LRRC3B: variants seen among roughly 807,000 people sequenced by gnomAD.
LRRC3B encodes leucine-rich repeat-containing protein 3B.
LRRC3B carries 2 observed loss-of-function variants against 12.8 expected under a neutral mutation model. That is an observed-to-expected ratio of 0.16 (90% confidence interval 0.06 to 0.49). The LOEUF (loss-of-function observed/expected upper bound fraction) is 0.49, where lower values mean the gene tolerates loss of function less well. Ranked by LOEUF, LRRC3B falls within the 20% of genes least tolerant of loss-of-function variation. The probability of loss-of-function intolerance (pLI) is 0.96; values close to 1 mark genes in which losing one functional copy is unlikely to be tolerated. For missense variants in LRRC3B, 189 were observed against 319.4 expected (o/e 0.59, Z 3.11); for synonymous variants, 132 against 122.0 (o/e 1.08, Z -0.54).
intron 1 of LRRC3B, among the ~76,000 whole-genome samples, chr3:26,691,105 G>GTGTATATATATATATATA (rs372629683): frequency 0.026 from 2,193 of 84,458 alleles, 61 homozygotes; most frequent in Admixed American, 0.036. Flanking sequence ...GTGTGTGTGT[G>GTGTATATATATATATATA]TATATATATA....
intron 1 of LRRC3B, among the ~76,000 whole-genome samples, chr3:26,699,111 C>T (rs1387028263): frequency 6.6e-6 from 1 of 151,484 alleles, no homozygotes; most frequent in African/African-American, 2.4e-5. Flanking sequence ...AGTAAAATAC[C>T]TCAAGTTGTG....
At chr3:26,640,543 T>C (rs559665453) in intron 1 of LRRC3B, among the ~76,000 whole-genome samples, 1 of 152,254 alleles carries the variant, frequency 6.6e-6, no homozygotes, top group African/African-American at 2.4e-5. Context: ...TCATTCATCC[T>C]CTTTTCCAGT....
chr3:26,695,645 T>TA (rs1449545720), intron 1 of LRRC3B, among the ~76,000 whole-genome samples: 6 of 152,214 alleles, frequency 3.9e-5, no homozygotes, highest in Non-Finnish European at 1.5e-5. Flanking sequence ...AGAAAACACA[T>TA]AAAGGGCATT....
chr3:26,661,662 CT>C (rs1699494696), intron 1 of LRRC3B, among the ~76,000 whole-genome samples: 1 of 152,138 alleles, frequency 6.6e-6, no homozygotes, highest in Non-Finnish European at 1.5e-5. Flanking sequence ...CTTCCCCATT[CT>C]TTCCTGTTAT....
chr3:26,646,312 T>C (rs1032092645), intron 1 of LRRC3B, among the ~76,000 whole-genome samples: 1 of 152,180 alleles, frequency 6.6e-6, no homozygotes, highest in African/African-American at 2.4e-5. Flanking sequence ...TATGACAGGT[T>C]TCTAAAGCAA....
intron 1 of LRRC3B, among the ~76,000 whole-genome samples, chr3:26,679,350 C>T (rs1174214193): frequency 6.6e-6 from 1 of 152,212 alleles, no homozygotes; most frequent in Non-Finnish European, 1.5e-5. Flanking sequence ...TATTTGAGAT[C>T]TCCATGGTCT....
intron 1 of LRRC3B, among the ~76,000 whole-genome samples, chr3:26,663,300 A>G (rs1019562510): frequency 1.3e-5 from 2 of 152,146 alleles, no homozygotes; most frequent in African/African-American, 4.8e-5. Flanking sequence ...GAAAGCTCAC[A>G]TTAATCATGT....
intron 1 of LRRC3B, among the ~76,000 whole-genome samples, chr3:26,631,063 A>G (rs1054228821): frequency 6.6e-6 from 1 of 152,136 alleles, no homozygotes; most frequent in African/African-American, 2.4e-5. Context: ...AAGACTGTGG[A>G]TACTGGTATT....
At chr3:26,693,653 C>T (rs1192545868) in intron 1 of LRRC3B, among the ~76,000 whole-genome samples, 1 of 152,160 alleles carries the variant, frequency 6.6e-6, no homozygotes, top group Non-Finnish European at 1.5e-5. Flanking sequence ...TGTTAAGCAA[C>T]ATGCCCTAAA....
intron 1 of LRRC3B, among the ~76,000 whole-genome samples, chr3:26,633,808 A>G (rs1352021787): frequency 6.6e-6 from 1 of 152,200 alleles, no homozygotes; most frequent in Non-Finnish European, 1.5e-5. Flanking sequence ...GGTTATGGCA[A>G]GATCTTCCAG....
intron 1 of LRRC3B, among the ~76,000 whole-genome samples, chr3:26,628,135 T>TGG (rs1327477010): frequency 6.6e-6 from 1 of 152,162 alleles, no homozygotes; most frequent in East Asian, 1.9e-4. Flanking sequence ...GGAGATTCTT[T>TGG]GGGGTGTACC....
intron 1 of LRRC3B, among the ~76,000 whole-genome samples, chr3:26,677,484 A>C (rs1445234599): frequency 6.6e-6 from 1 of 152,206 alleles, no homozygotes; most frequent in Non-Finnish European, 1.5e-5. Flanking sequence ...ATTCTAGCCC[A>C]CATTGGAAGG....
intron 1 of LRRC3B, among the ~76,000 whole-genome samples, chr3:26,655,476 A>G (rs924004019): frequency 2.6e-5 from 4 of 152,232 alleles, no homozygotes; most frequent in African/African-American, 9.6e-5. Flanking sequence ...GGACATGACT[A>G]AGGCATTTTA....
chr3:26,646,169 G>A (rs772383637), intron 1 of LRRC3B, among the ~76,000 whole-genome samples: 3 of 152,168 alleles, frequency 2.0e-5, no homozygotes, highest in Non-Finnish European at 2.9e-5. Flanking sequence ...CTCCTCATTT[G>A]TTCATTCTGA....
At chr3:26,672,505 T>C (rs958698213) in intron 1 of LRRC3B, among the ~76,000 whole-genome samples, 4 of 152,228 alleles carry the variant, frequency 2.6e-5, no homozygotes, top group Non-Finnish European at 4.4e-5. Flanking sequence ...ACTTTCCTTT[T>C]GAAACAGAAG....
intron 1 of LRRC3B, among the ~76,000 whole-genome samples, chr3:26,706,481 T>G (rs889771659): frequency 6.6e-6 from 1 of 152,160 alleles, no homozygotes; most frequent in African/African-American, 2.4e-5. Context: ...ATGAAACAGT[T>G]CAAGTCCAAC....
At chr3:26,687,330 C>G (rs1257767854) in intron 1 of LRRC3B, among the ~76,000 whole-genome samples, 1 of 152,114 alleles carries the variant, frequency 6.6e-6, no homozygotes, top group Non-Finnish European at 1.5e-5. Flanking sequence ...AAGGAAATGT[C>G]CTCTTTATTT....
intron 1 of LRRC3B, among the ~76,000 whole-genome samples, chr3:26,670,528 A>G (rs1699698024): frequency 6.6e-6 from 1 of 152,180 alleles, no homozygotes; most frequent in South Asian, 2.1e-4. Context: ...TAAGGATATT[A>G]CTAGGTTGTT....
chr3:26,709,563 C>A, exon 2 of LRRC3B: 1 of 1,079,392 alleles, frequency 9.3e-7, no homozygotes, highest in Non-Finnish European at 1.4e-6. Flanking sequence ...TTAGCTGCAG[C>A]CTTTTGAAAC....
Sources: gnomAD v4.1 joint callset for allele counts (sites outside exome capture counted in the v4.1 genomes callset) on GRCh38, gnomAD v4.1.1 for gene constraint, MANE v1.5 for transcripts, NCBI Gene and HGNC (gene_info 2026-07-23, HGNC 2026-07-21) for gene names.